The following CLK1 variants were observed in gnomAD, a reference collection of about 807,000 sequenced individuals.
CLK1 encodes dual specificity protein kinase CLK1.
A neutral mutation model predicts 60.9 loss-of-function variants in CLK1; 40 were observed. The ratio of observed to expected loss-of-function variants is 0.66; its 90% CI spans 0.51 to 0.86. The LOEUF (loss-of-function observed/expected upper bound fraction) is 0.86, where lower values mean the gene tolerates loss of function less well. CLK1 is among the 40% of genes least tolerant of loss of function. The pLI, the probability that CLK1 is intolerant of heterozygous loss-of-function variation, is 0.00. For missense variants in CLK1, 563 were observed against 606.1 expected (o/e 0.93, Z 0.75); for synonymous variants, 203 against 184.4 (o/e 1.10, Z -0.82).
chr2:200,857,624 T>G lies in CLK1; in HGVS notation c.832+94A>C, dbSNP rs2039065015. 3.8e-6 allele frequency: 4 copies of G among 1,064,012 alleles called. No homozygotes were observed. In the Admixed American group the frequency reaches 1.2e-4, roughly 32 times the overall value. The allele number at this position is 1,064,012 out of a possible 1,614,324, so 65.9% of individuals were successfully genotyped here. On this transcript the variant is annotated intron_variant, in intron 7 of 12. Coordinates refer to ENST00000321356, the MANE Select transcript of CLK1 (RefSeq NM_004071.4). ...CCTATTCTTCCTCCCCCTTTATTTT[T>G]AATCAAATAAAAATTGTACACACTT...
rs1019455165 is a variant in CLK1 at position 200,853,207 on chromosome 2, T to C, written c.*99A>G. ...CAAAATAAACATGGCAATATAAAAA[T>C]GTTAAGAATTTACAAAGCTGTACAA... On this transcript the variant is annotated 3_prime_UTR_variant, in exon 13 of 13. Coordinates refer to ENST00000321356, the MANE Select transcript of CLK1 (RefSeq NM_004071.4). 4 of 890,596 alleles carry C rather than the reference T, an allele frequency of 4.5e-6. No individual in the cohort carries two copies. The highest frequency in any genetic ancestry group is 3.0e-5 in the Admixed American group (1 of 32,990). 55.2% of individuals were successfully genotyped at this position (890,596 alleles called of 1,614,324 possible).
At chr2:200,860,081 T>G in intron 4 of CLK1, 44 bp downstream of exon 4, 1 of 1,601,712 alleles carries the variant, frequency 6.2e-7, no homozygotes, top group Non-Finnish European at 8.6e-7. Flanking sequence ...ATATATAGAT[T>G]ATGTTATCTG....
intron 9 of CLK1, among the ~76,000 whole-genome samples, chr2:200,855,785 G>A (rs995098991): frequency 6.6e-6 from 1 of 151,990 alleles, no homozygotes; most frequent in African/African-American, 2.4e-5. Flanking sequence ...AAGGCAGGCA[G>A]ATTGCTCCAG....
At chr2:200,860,486 G>T (rs1220558435) in intron 3 of CLK1, 5 of 1,143,728 alleles carry the variant, frequency 4.4e-6, no homozygotes, top group South Asian at 7.6e-5. Context: ...TAATACAATT[G>T]TTTTTCTTAA....
intron 3 of CLK1, chr2:200,860,655 A>T: frequency 1.0e-6 from 1 of 997,070 alleles, no homozygotes; most frequent in Non-Finnish European, 1.2e-6. Context: ...AACAAATATT[A>T]TAACAGTAAA....
At chr2:200,860,632 CCTAAT>C in intron 3 of CLK1, 3 of 996,788 alleles carry the variant, frequency 3.0e-6, no homozygotes, top group Non-Finnish European at 3.6e-6. Flanking sequence ...AGATTTCCTA[CCTAAT>C]CTAAGAAAAC....
At chr2:200,857,388 G>A in intron 7 of CLK1, 1 of 263,446 alleles carries the variant, frequency 3.8e-6, no homozygotes, top group Non-Finnish European at 7.2e-6. Context: ...AAAATCACCA[G>A]TAACTAAAAC....
At chr2:200,854,255 G>C (rs2039001085) in intron 11 of CLK1, 1 of 351,380 alleles carries the variant, frequency 2.8e-6, no homozygotes, top group Non-Finnish European at 5.1e-6. Context: ...TTAAGTTCTG[G>C]CCAGGTGCGG....
At position 200,861,253 on chromosome 2, in the gene CLK1, A is replaced by T. The variant is rs1481818506; in HGVS notation, c.375T>A (p.His125Gln). 6.2e-7 allele frequency: 1 copy of T among 1,614,120 alleles called. No homozygotes were observed. The highest frequency in any genetic ancestry group is 8.5e-7 in the Non-Finnish European group (1 of 1,179,980). Residue 125 changes from histidine (H) to glutamine (Q), a missense_variant, in exon 3 of 13, where the codon CAT (histidine) becomes CAA (glutamine). Physicochemically the swap from His to Gln is conservative, Grantham distance 24. Transcript: ENST00000321356. Reference protein sequence around the residue: ...SKHRIHHSTSHRRSHGKSHRR... With the variant: ...SKHRIHHSTSQRRSHGKSHRR... ...ACGTTCATACCCCATGTGAACGACG[A>T]TGTGAAGTACTGTGGTGAATCCTGT...
At chr2:200,854,114 G>C (rs2038998123) in intron 11 of CLK1, 121 bp from the exon 12 acceptor site, 2 of 604,692 alleles carry the variant, frequency 3.3e-6, no homozygotes, top group Non-Finnish European at 5.7e-6. Flanking sequence ...GCAGCCATGG[G>C]ATAGAAATGT....
intron 5 of CLK1, among the ~76,000 whole-genome samples, chr2:200,858,693 T>A (rs577475386): frequency 6.6e-6 from 1 of 151,664 alleles, no homozygotes; most frequent in African/African-American, 2.4e-5. Flanking sequence ...CAAGACTCCA[T>A]CTCAGGGAAA....
At chr2:200,856,042 T>G (rs756841866) in intron 9 of CLK1, among the ~76,000 whole-genome samples, 16 of 151,572 alleles carry the variant, frequency 1.1e-4, no homozygotes, top group Non-Finnish European at 5.9e-5. Flanking sequence ...AAATAAATTA[T>G]ATAGTGTTAT....
chr2:200,853,370 T>A lies in CLK1; in HGVS notation c.1391A>T (p.Lys464Ile). The A allele has an allele frequency of 1.2e-6, 2 of 1,613,508 alleles. No individual in the cohort carries two copies. Among genetic ancestry groups the A allele is most frequent in the South Asian group, 2.2e-5 (2 of 91,038 alleles). Reference sequence around the variant, plus strand: ...TAAGGCTTCTCTGAGAGTAATTCTTTTGGCTGGATCATACTCCAACATTTT... The same window carrying A: ...TAAGGCTTCTCTGAGAGTAATTCTTATGGCTGGATCATACTCCAACATTTT... Reference protein sequence around the residue: ...IQKMLEYDPAKRITLREALKH... With the variant: ...IQKMLEYDPAIRITLREALKH... Residue 464 changes from lysine to isoleucine, a missense_variant, in exon 13 of 13, where the codon AAA becomes ATA. Physicochemically the swap from Lys to Ile is moderately radical, Grantham distance 102 (BLOSUM62 -3). Transcript: ENST00000321356.
At chr2:200,862,211 C>T (rs1381783725) in intron 1 of CLK1, among the ~76,000 whole-genome samples, 5 of 152,180 alleles carry the variant, frequency 3.3e-5, no homozygotes, top group African/African-American at 4.8e-5. Context: ...TAGAAGTCCA[C>T]GCTGTCAGGC....
Position 200,856,716 on chromosome 2 carries a change from A to T in CLK1, c.1023T>A (p.Ser341=). The T allele has an allele frequency of 1.9e-6, 3 of 1,610,250 alleles. No homozygotes were observed. Among genetic ancestry groups the T allele is most frequent in the Non-Finnish European group, 2.5e-6 (3 of 1,178,636 alleles). ...CTTCAGGTGCTCTATAATGTCTTGT[A>T]GATACCAATGTACTGTGATGTTCGT... ...YDDEHHSTLV[S]TRHYRAPEVI... Residue 341 remains serine, a synonymous_variant, in exon 9 of 13, where the codon TCT becomes TCA. Transcript: ENST00000321356.
At chr2:200,860,721 T>C (rs948973674) in intron 3 of CLK1, 3 of 999,222 alleles carry the variant, frequency 3.0e-6, no homozygotes, top group African/African-American at 3.5e-5. Flanking sequence ...AGAATAACAC[T>C]ACGGCATTTT....
Position 200,864,549 on chromosome 2 carries a change from C to T in CLK1, c.-1+15G>A. ...AACGGCCCTGTCACCTAGTCCGCTC[C>T]CTCCTGCGTCTTACCGTCCTGGACA... is the stretch of plus-strand genomic sequence containing the variant. On this transcript the variant is annotated intron_variant, in intron 1 of 12. Transcript: ENST00000321356. The T allele has an allele frequency of 3.0e-6, 1 of 332,038 alleles. No individual in the cohort carries two copies. Among genetic ancestry groups the T allele is most frequent in the East Asian group, 6.2e-5 (1 of 16,092 alleles). The allele number at this position is 332,038 out of a possible 1,614,324, so 20.6% of individuals were successfully genotyped here. A position where few individuals can be genotyped will look rare whatever the true frequency, so the allele number is the denominator to read the frequency against.
At chr2:200,861,912 T>C in intron 1 of CLK1, 50 bp from the exon 2 acceptor site, 1 of 1,542,564 alleles carries the variant, frequency 6.5e-7, no homozygotes, top group East Asian at 2.3e-5. Context: ...CACACTGAGC[T>C]GTTTAAAATT....
Position 200,855,053 on chromosome 2 carries a change from C to G in CLK1, c.1091G>C (p.Ser364Thr). The G allele has an allele frequency of 6.2e-7, 1 of 1,612,776 alleles. No individual in the cohort carries two copies. The highest frequency in any genetic ancestry group is 1.1e-5 in the South Asian group (1 of 90,644). The change falls in exon 10 of 13, where the codon AGC (serine) becomes ACC (threonine). Residue 364 changes from serine to threonine, a missense_variant. By Grantham distance (58) the Ser-to-Thr change is moderately conservative (BLOSUM62 1). This residue lies in a region of CLK1 where 360 missense variants were observed against 407.0 expected (regional missense o/e 0.88). Coordinates refer to ENST00000321356, the MANE Select transcript of CLK1 (RefSeq NM_004071.4). ...LGWSQPCDVW[S>T]IGCILIEYYL... is the part of the protein sequence containing the mutation. The stretch of plus-strand genomic sequence containing the variant: ...GTATTCAATAAGAATGCATCCTATG[C>G]TCCAGACATCACATGGTTGGGACCA...
Sources: allele counts gnomAD v4.1 joint callset (sites outside exome capture counted in the v4.1 genomes callset), GRCh38; gene constraint gnomAD v4.1.1; regional missense constraint gnomAD v4.1.1; transcripts MANE v1.5; gene names NCBI Gene and HGNC (gene_info 2026-07-23, HGNC 2026-07-21).